LMBR1: variants seen among roughly 807,000 people sequenced by gnomAD.
The protein encoded by LMBR1 is limb development membrane protein 1, also known as limb region 1 protein homolog.
In LMBR1, 52 loss-of-function variants were observed where a neutral mutation model predicts 73.9. That is an observed-to-expected ratio of 0.70 (90% CI 0.56 to 0.89). LMBR1 has a LOEUF of 0.89. LMBR1 is among the 40% of genes least tolerant of loss of function. The pLI, the probability that LMBR1 is intolerant of heterozygous loss-of-function variation, is 0.00. For missense variants in LMBR1, 539 were observed against 579.8 expected (o/e 0.93, Z 0.72); for synonymous variants, 215 against 209.4 (o/e 1.03, Z -0.23).
chr7:156,720,800 T>C lies in LMBR1; in HGVS notation c.1225+3312A>G, dbSNP rs193144730. Among the ~76,000 whole-genome samples, 8 of 152,118 alleles carry C rather than the reference T, an allele frequency of 5.3e-5. No individual in the cohort carries two copies. The East Asian group carries it at 1.5e-3, about 29-fold the overall frequency. The stretch of plus-strand genomic sequence containing the variant: ...GGGTTTGAAATTATTTTTATATCAA[T>C]GTCATAATTAGGAATATATGACTTA... On this transcript the variant is annotated intron_variant, in intron 15 of 16. Coordinates refer to ENST00000353442, the MANE Select transcript of LMBR1 (RefSeq NM_022458.4).
intron 15 of LMBR1, among the ~76,000 whole-genome samples, chr7:156,719,111 C>A (rs1300906054): frequency 1.3e-5 from 2 of 150,642 alleles, no homozygotes; most frequent in African/African-American, 4.9e-5. Flanking sequence ...TTAGGTATAT[C>A]TCCTAATGCT....
intron 1 of LMBR1, among the ~76,000 whole-genome samples, chr7:156,875,240 C>T (rs1366322592): frequency 6.6e-6 from 1 of 151,758 alleles, no homozygotes; most frequent in Non-Finnish European, 1.5e-5. Context: ...TAACCCAAGC[C>T]AACAAAGACA....
At chr7:156,825,668 A>G (rs1034197635) in intron 4 of LMBR1, among the ~76,000 whole-genome samples, 1 of 152,256 alleles carries the variant, frequency 6.6e-6, no homozygotes, top group African/African-American at 2.4e-5. Context: ...TTGTAAAAAC[A>G]GTAAGATTCT....
At chr7:156,803,849 T>C (rs1337910609) in intron 4 of LMBR1, among the ~76,000 whole-genome samples, 3 of 151,734 alleles carry the variant, frequency 2.0e-5, no homozygotes, top group Non-Finnish European at 2.9e-5. Flanking sequence ...TGTAGGGACA[T>C]GGATGAAACT....
intron 4 of LMBR1, among the ~76,000 whole-genome samples, chr7:156,817,548 G>T (rs926148476): frequency 6.6e-6 from 1 of 151,914 alleles, no homozygotes; most frequent in Non-Finnish European, 1.5e-5. Context: ...GACAGACAGA[G>T]AGAGAACTTC....
At chr7:156,704,985 G>A (rs1810618950) in intron 15 of LMBR1, among the ~76,000 whole-genome samples, 1 of 151,968 alleles carries the variant, frequency 6.6e-6, no homozygotes, top group Non-Finnish European at 1.5e-5. Flanking sequence ...ATTCCTGAGG[G>A]GGAAGAAAGA....
At chr7:156,815,816 A>G (rs1833821483) in intron 4 of LMBR1, among the ~76,000 whole-genome samples, 1 of 152,146 alleles carries the variant, frequency 6.6e-6, no homozygotes. Context: ...AGGGTCCACT[A>G]TGCTTTTATA....
At chr7:156,879,827 G>C (rs1800794644) in intron 1 of LMBR1, among the ~76,000 whole-genome samples, 2 of 152,142 alleles carry the variant, frequency 1.3e-5, no homozygotes, top group South Asian at 4.1e-4. Context: ...TGCAAGAATG[G>C]CTGTAATCAC....
intron 5 of LMBR1, chr7:156,779,791 GA>G (rs1826797492): frequency 1.4e-6 from 1 of 737,216 alleles, no homozygotes; most frequent in Non-Finnish European, 2.0e-6. Flanking sequence ...GGAAGCCTGG[GA>G]AAACTTCTAC....
chr7:156,786,012 T>A (rs1210843394), intron 5 of LMBR1, among the ~76,000 whole-genome samples: 3 of 152,118 alleles, frequency 2.0e-5, no homozygotes, highest in Non-Finnish European at 4.4e-5. Flanking sequence ...ACCAGCAGAC[T>A]AGTGACATTG....
At chr7:156,793,959 A>G (rs935304639) in intron 5 of LMBR1, among the ~76,000 whole-genome samples, 1 of 152,136 alleles carries the variant, frequency 6.6e-6, no homozygotes, top group Non-Finnish European at 1.5e-5. Context: ...CAGCTTCACC[A>G]TCTTCCGCTG....
At chr7:156,716,835 G>A (rs1483117637) in intron 15 of LMBR1, among the ~76,000 whole-genome samples, 1 of 152,200 alleles carries the variant, frequency 6.6e-6, no homozygotes, top group African/African-American at 2.4e-5. Flanking sequence ...AGGTAGATGT[G>A]AGGCCAGGTG....
At chr7:156,843,141 T>G (rs539063408) in intron 1 of LMBR1, among the ~76,000 whole-genome samples, 21 of 152,298 alleles carry the variant, frequency 1.4e-4, no homozygotes, top group African/African-American at 5.1e-4. Context: ...CCTCACAAGC[T>G]TCCCTTTTCC....
intron 5 of LMBR1, among the ~76,000 whole-genome samples, chr7:156,775,684 T>A (rs1021603935): frequency 7.2e-5 from 11 of 152,222 alleles, no homozygotes; most frequent in African/African-American, 1.9e-4. Context: ...CATTATACTT[T>A]ATGCTTTTCT....
At chr7:156,716,049 A>C (rs946057564) in intron 15 of LMBR1, among the ~76,000 whole-genome samples, 6 of 152,204 alleles carry the variant, frequency 3.9e-5, no homozygotes, top group African/African-American at 1.4e-4. Flanking sequence ...TATTAACATC[A>C]AAAATACTTA....
In LMBR1 at chr7:156,780,278, A is replaced by C. The variant is rs189479853; in HGVS notation, c.423+16111T>G. Among the ~76,000 whole-genome samples, 203 of 152,364 alleles carry C rather than the reference A, an allele frequency of 1.3e-3. 1 individual carries two copies. Among genetic ancestry groups the C allele is most frequent in the Middle Eastern group, 6.8e-3 (2 of 294 alleles). On this transcript the variant is annotated intron_variant, in intron 5 of 16. Transcript: ENST00000353442. ...TGCTCAAGCTGTTAAAGCTGGACAA[A>C]AAGAAAGTGCTTGGGGTAAGCTAAA...
chr7:156,872,502 C>T (rs1291846503), intron 1 of LMBR1, among the ~76,000 whole-genome samples: 1 of 151,962 alleles, frequency 6.6e-6, no homozygotes, highest in Non-Finnish European at 1.5e-5. Flanking sequence ...AAAAATTTAG[C>T]TGGGCGTGGT....
chr7:156,887,694 T>A (rs1216499273), intron 1 of LMBR1, among the ~76,000 whole-genome samples: 3 of 152,068 alleles, frequency 2.0e-5, no homozygotes, highest in Non-Finnish European at 4.4e-5. Flanking sequence ...AAAACTTTTG[T>A]GCATCAAAGG....
chr7:156,835,991 G>T (rs767438243), intron 2 of LMBR1, among the ~76,000 whole-genome samples: 1 of 152,034 alleles, frequency 6.6e-6, no homozygotes, highest in Non-Finnish European at 1.5e-5. Context: ...ATACTATTTT[G>T]AATCTGTATC....
Sources: gnomAD v4.1 joint callset for allele counts (sites outside exome capture counted in the v4.1 genomes callset) on GRCh38, gnomAD v4.1.1 for gene constraint, MANE v1.5 for transcripts, NCBI Gene and HGNC (gene_info 2026-07-23, HGNC 2026-07-21) for gene names.